The following FAM200B variants were observed in gnomAD, a reference collection of about 807,000 sequenced individuals.
The protein encoded by FAM200B is protein FAM200B.
Under a neutral mutation model 33.1 loss-of-function variants are expected in FAM200B, and 32 were observed. The observed-to-expected ratio is 0.97, with a 90% CI of 0.73 to 1.30. The LOEUF is 1.30. Ranked by LOEUF, FAM200B falls within the 50% of genes most tolerant of loss-of-function variation. FAM200B has a pLI of 0.00. For missense variants in FAM200B, 741 were observed against 754.0 expected, an observed-to-expected ratio of 0.98 and a Z score of 0.20; for synonymous variants, 240 against 264.8, an observed-to-expected ratio of 0.91 and a Z score of 0.91.
At chr4:15,650,622 G>GATATCTTCC in the FAM200B span, among the ~76,000 whole-genome samples, 1 of 147,030 alleles carries the variant, frequency 6.8e-6, no homozygotes, top group East Asian at 2.0e-4. Context: ...ATAGTAACAT[G>GATATCTTCC]ATATCTTCCA....
At position 15,687,914 on chromosome 4, in the gene FAM200B, T is replaced by A; in HGVS notation, c.937T>A (p.Leu313Ile). ...AAAACATAGCAGAGTAATTAAAAAA[T>A]TACTAGAAGTTACTAATAATGGTGC... ...TGKHSRVIKK[L>I]LEVTNNGAVW... Residue 313 changes from leucine (L) to isoleucine (I), a missense_variant, in exon 2 of 2, where the codon TTA (leucine) becomes ATA (isoleucine). Transcript: ENST00000422728. The A allele has an allele frequency of 6.4e-7, 1 of 1,550,704 alleles. No individual in the cohort carries two copies. Among genetic ancestry groups the A allele is most frequent in the African/African-American group, 1.4e-5 (1 of 73,134 alleles).
chr4:15,646,378 A>T, the FAM200B span, among the ~76,000 whole-genome samples: 2 of 139,746 alleles, frequency 1.4e-5, no homozygotes, highest in East Asian at 4.1e-4. Context: ...ATTTTTTTTT[A>T]AATCATAAGA....
the FAM200B span, among the ~76,000 whole-genome samples, chr4:15,649,593 AAAAAG>A: frequency 1.8e-4 from 27 of 151,640 alleles, no homozygotes; most frequent in African/African-American, 5.8e-4. Flanking sequence ...AAAAAAAAAA[AAAAAG>A]AAAGAAAGAA....
chr4:15,639,429 T>C, the FAM200B span, among the ~76,000 whole-genome samples: 1 of 152,230 alleles, frequency 6.6e-6, no homozygotes, highest in East Asian at 1.9e-4. Context: ...TACTGAGACA[T>C]TTAACTTTTC....
the FAM200B span, among the ~76,000 whole-genome samples, chr4:15,637,100 C>A: frequency 6.6e-6 from 1 of 152,174 alleles, no homozygotes; most frequent in African/African-American, 2.4e-5. Flanking sequence ...ATCTCATGAC[C>A]TTTTCCATTT....
chr4:15,656,298 C>T, the FAM200B span: 1 of 456,236 alleles, frequency 2.2e-6, no homozygotes, highest in Non-Finnish European at 4.4e-6. Context: ...AGACTCTGTT[C>T]TCTGCTCACG....
chr4:15,644,159 T>C, the FAM200B span, among the ~76,000 whole-genome samples: 1 of 152,238 alleles, frequency 6.6e-6, no homozygotes, highest in Non-Finnish European at 1.5e-5. Context: ...TCCTCTTGCC[T>C]TCAGCAAGAA....
the FAM200B span, chr4:15,644,660 G>A: frequency 6.2e-7 from 1 of 1,613,246 alleles, no homozygotes; most frequent in Non-Finnish European, 8.5e-7. Context: ...TACAAAGACT[G>A]CAGAAGAGCA....
At chr4:15,683,886 T>G (rs1718582462) in intron 1 of FAM200B, among the ~76,000 whole-genome samples, 1 of 152,252 alleles carries the variant, frequency 6.6e-6, no homozygotes, top group African/African-American at 2.4e-5. Context: ...TTCTCTCATA[T>G]GCATTGAGTA....
At chr4:15,649,973 A>C in the FAM200B span, among the ~76,000 whole-genome samples, 2 of 152,192 alleles carry the variant, frequency 1.3e-5, no homozygotes, top group Non-Finnish European at 2.9e-5. Flanking sequence ...CCCATTAATA[A>C]AGCTATCTTT....
chr4:15,649,578 C>CAAAAAAAAAA, the FAM200B span, among the ~76,000 whole-genome samples: 8 of 81,326 alleles, frequency 9.8e-5, no homozygotes, highest in Admixed American at 2.9e-4. Context: ...GACTACGTCT[C>CAAAAAAAAAA]AAAAAAAAAA....
chr4:15,653,272 T>G, the FAM200B span, among the ~76,000 whole-genome samples: 1 of 152,204 alleles, frequency 6.6e-6, no homozygotes, highest in Admixed American at 6.5e-5. Context: ...AAACTAGTTA[T>G]GCAAGTGGGA....
At position 15,688,225 on chromosome 4, in the gene FAM200B, G is replaced by A. The variant is rs1393736425; in HGVS notation, c.1248G>A (p.Leu416=). 9 of 1,550,318 alleles carry A rather than the reference G, an allele frequency of 5.8e-6. No homozygotes were observed. In the East Asian group the frequency reaches 2.2e-4, roughly 38 times the overall value. Residue 416 remains leucine, a synonymous_variant, in exon 2 of 2, where the codon TTG becomes TTA. Transcript: ENST00000422728. The part of the protein sequence containing the change: ...HFFLIEKKSH[L]ASIFEDDTWV... ...TTCTCATTGAAAAAAAATCTCATTTGGCAAGTATTTTTGAAGATGATACTT... is the reference window on the plus strand; with the variant it reads ...TTCTCATTGAAAAAAAATCTCATTTAGCAAGTATTTTTGAAGATGATACTT...
chr4:15,655,050 G>C, the FAM200B span, among the ~76,000 whole-genome samples: 3 of 150,712 alleles, frequency 2.0e-5, no homozygotes, highest in Non-Finnish European at 4.4e-5. Flanking sequence ...GGCAGGCTGC[G>C]GGAGCGGGCG....
the FAM200B span, among the ~76,000 whole-genome samples, chr4:15,653,893 T>C: frequency 6.6e-6 from 1 of 152,354 alleles, no homozygotes; most frequent in Non-Finnish European, 1.5e-5. Flanking sequence ...TTTAGTGACC[T>C]AGACATCAGG....
chr4:15,688,124 C>T lies in FAM200B; in HGVS notation c.1147C>T (p.His383Tyr). ...AACTAATCATACCCACTTACTATAT[C>T]ATACCAAAATTCGTTGGTTGTCTCA... ...IGTNHTHLLY[H>Y]TKIRWLSQGK... Residue 383 changes from histidine to tyrosine, a missense_variant, in exon 2 of 2, where the codon CAT becomes TAT. Physicochemically the swap from His to Tyr is moderately conservative, Grantham distance 83 (BLOSUM62 2). Transcript: ENST00000422728. 6.4e-7 allele frequency: 1 copy of T among 1,551,238 alleles called. No homozygotes were observed. Among genetic ancestry groups the T allele is most frequent in the Non-Finnish European group, 8.7e-7 (1 of 1,146,702 alleles).
rs1237264871 is a variant in FAM200B at position 15,687,603 on chromosome 4, AAC to A, written c.628_629del (p.His210PhefsTer20). ...TCTCTTCGAATTTGTACTATTGCAG[AAC>A]ATTTAGAAACAATGCTTATTACTCG... is the stretch of plus-strand genomic sequence containing the variant. On this transcript the variant is annotated frameshift_variant, in exon 2 of 2. Transcript: ENST00000422728. LOFTEE classifies it high-confidence loss of function. 6.4e-7 allele frequency: 1 copy of A among 1,551,036 alleles called. No individual in the cohort carries two copies. The highest frequency in any genetic ancestry group is 8.7e-7 in the Non-Finnish European group (1 of 1,146,680).
chr4:15,677,271 A>T (rs1348987081), upstream of FAM200B, among the ~76,000 whole-genome samples: 1 of 152,212 alleles, frequency 6.6e-6, no homozygotes, highest in Non-Finnish European at 1.5e-5. Flanking sequence ...GTATAATAAA[A>T]AATATATTTA....
the FAM200B span, chr4:15,641,535 A>T: frequency 6.1e-5 from 26 of 425,350 alleles, no homozygotes; most frequent in South Asian, 4.5e-4. Flanking sequence ...TTACTGTAAG[A>T]ATCCAGTATA....
Sources: allele counts gnomAD v4.1 joint callset (sites outside exome capture counted in the v4.1 genomes callset), GRCh38; gene constraint gnomAD v4.1.1; transcripts MANE v1.5; gene names NCBI Gene and HGNC (gene_info 2026-07-23, HGNC 2026-07-21).